KCNQ3: variants seen among roughly 807,000 people sequenced by gnomAD.
KCNQ3 encodes potassium voltage-gated channel subfamily Q member 3.
In KCNQ3, 30 loss-of-function variants were observed where a neutral mutation model predicts 92.5. That is an observed-to-expected ratio of 0.32 (90% CI 0.24 to 0.44). KCNQ3 has a LOEUF of 0.44. Ranked by LOEUF, KCNQ3 falls within the 20% of genes least tolerant of loss-of-function variation. The pLI is 1.00. For synonymous variants in KCNQ3, 450 were observed against 468.8 expected (o/e 0.96, Z 0.52); for missense variants, 913 against 1,140.3 (o/e 0.80, Z 2.87).
intron 1 of KCNQ3, among the ~76,000 whole-genome samples, chr8:132,440,056 A>G (rs1260143954): frequency 6.6e-6 from 1 of 152,178 alleles, no homozygotes; most frequent in Admixed American, 6.5e-5. Context: ...TCATCTCTAG[A>G]TTACTGTAAT....
chr8:132,199,314 C>T (rs571251154), intron 1 of KCNQ3, among the ~76,000 whole-genome samples: 15 of 152,184 alleles, frequency 9.9e-5, no homozygotes, highest in Non-Finnish European at 2.1e-4. Context: ...AGAGCATATC[C>T]CCCAATTAAT....
chr8:132,392,933 G>C (rs553197269), intron 1 of KCNQ3, among the ~76,000 whole-genome samples: 2 of 144,980 alleles, frequency 1.4e-5, no homozygotes, highest in Non-Finnish European at 3.0e-5. Context: ...TTTTTTTCTG[G>C]TAGTTCTTTA....
intron 1 of KCNQ3, among the ~76,000 whole-genome samples, chr8:132,457,109 A>T (rs992686275): frequency 6.6e-6 from 1 of 152,228 alleles, no homozygotes; most frequent in Admixed American, 6.5e-5. Context: ...TGGTCCTCAA[A>T]CAAGGGTGCC....
chr8:132,286,923 T>G (rs1299475798), intron 1 of KCNQ3, among the ~76,000 whole-genome samples: 1 of 152,156 alleles, frequency 6.6e-6, no homozygotes, highest in Non-Finnish European at 1.5e-5. Flanking sequence ...CACTTTACAT[T>G]AGCTTGCTCA....
At chr8:132,324,734 T>C (rs921347520) in intron 1 of KCNQ3, among the ~76,000 whole-genome samples, 9 of 152,144 alleles carry the variant, frequency 5.9e-5, no homozygotes, top group African/African-American at 2.2e-4. Flanking sequence ...ATCAGCCCCA[T>C]TTTTATAGGC....
At chr8:132,372,177 A>C (rs1443212291) in intron 1 of KCNQ3, among the ~76,000 whole-genome samples, 1 of 152,072 alleles carries the variant, frequency 6.6e-6, no homozygotes, top group East Asian at 1.9e-4. Context: ...TGGGCTTCTA[A>C]CATCATGATT....
At chr8:132,477,882 C>T (rs1201890910) in intron 1 of KCNQ3, among the ~76,000 whole-genome samples, 1 of 152,204 alleles carries the variant, frequency 6.6e-6, no homozygotes, top group Admixed American at 6.5e-5. Context: ...AGCATCAGAA[C>T]TGGAATCTTG....
chr8:132,166,726 G>T (rs779809844), intron 8 of KCNQ3, among the ~76,000 whole-genome samples: 1 of 152,046 alleles, frequency 6.6e-6, no homozygotes, highest in Non-Finnish European at 1.5e-5. Flanking sequence ...ATCACTGCTA[G>T]CCCCCAAAAC....
In KCNQ3 at chr8:132,127,129, T is replaced by C. The variant is rs1824696619; in HGVS notation, c.*2133A>G. On this transcript the variant is annotated 3_prime_UTR_variant, in exon 15 of 15. Transcript: ENST00000388996. ...CTTAGGTTGTAATCCCCACTGGCACTTTCAGCCATATTGAAGGAGTGGGGA... is the reference window on the plus strand; with the variant it reads ...CTTAGGTTGTAATCCCCACTGGCACCTTCAGCCATATTGAAGGAGTGGGGA... 1 of 152,216 alleles carries C rather than the reference T, an allele frequency of 6.6e-6. No homozygotes were observed. The highest frequency in any genetic ancestry group is 6.5e-5 in the Admixed American group (1 of 15,282). The allele number at this position is 152,216 out of a possible 1,614,324, so 9.4% of individuals were successfully genotyped here.
intron 1 of KCNQ3, among the ~76,000 whole-genome samples, chr8:132,420,851 G>A (rs77599027): frequency 1.7e-4 from 26 of 152,108 alleles, no homozygotes; most frequent in Non-Finnish European, 2.9e-4. Context: ...GAGGGCCCCT[G>A]GGTTTCTCTC....
chr8:132,187,729 A>G (rs1344497195), intron 1 of KCNQ3, among the ~76,000 whole-genome samples: 15 of 122,166 alleles, frequency 1.2e-4, no homozygotes, highest in East Asian at 2.4e-4. Flanking sequence ...GATGGTGGTG[A>G]TAGTGATGAT....
At chr8:132,183,113 G>A (rs902410768) in intron 3 of KCNQ3, among the ~76,000 whole-genome samples, 6 of 152,266 alleles carry the variant, frequency 3.9e-5, no homozygotes, top group African/African-American at 7.2e-5. Flanking sequence ...GTCCATCCCC[G>A]AAGGACTGTG....
chr8:132,241,539 A>G (rs1368447422), intron 1 of KCNQ3, among the ~76,000 whole-genome samples: 1 of 152,048 alleles, frequency 6.6e-6, no homozygotes, highest in Non-Finnish European at 1.5e-5. Context: ...CGTCCTTAGA[A>G]AAACACTCAT....
chr8:132,187,031 G>T (rs1372751894), intron 1 of KCNQ3, among the ~76,000 whole-genome samples: 5 of 147,966 alleles, frequency 3.4e-5, no homozygotes, highest in East Asian at 2.1e-4. Flanking sequence ...CAAGGAAAAT[G>T]GTTCTCCCTC....
intron 1 of KCNQ3, among the ~76,000 whole-genome samples, chr8:132,388,902 A>G (rs1319876134): frequency 6.6e-6 from 1 of 152,220 alleles, no homozygotes; most frequent in Non-Finnish European, 1.5e-5. Flanking sequence ...TATGATTTGG[A>G]GTATAGTGGG....
chr8:132,261,586 T>A (rs989240503), intron 1 of KCNQ3, among the ~76,000 whole-genome samples: 1 of 152,114 alleles, frequency 6.6e-6, no homozygotes, highest in South Asian at 2.1e-4. Context: ...GGTGGCAGAA[T>A]GTGTGGGTGG....
chr8:132,204,997 ATG>A (rs1813611287), intron 1 of KCNQ3, among the ~76,000 whole-genome samples: 2 of 152,174 alleles, frequency 1.3e-5, no homozygotes. Flanking sequence ...CCCTTCTCTA[ATG>A]TCCATCCAGG....
intron 1 of KCNQ3, among the ~76,000 whole-genome samples, chr8:132,297,856 C>A (rs371000421): frequency 6.6e-6 from 1 of 152,250 alleles, no homozygotes; most frequent in East Asian, 1.9e-4. Context: ...TTAGTCAAAG[C>A]AAGTCACAGT....
intron 1 of KCNQ3, among the ~76,000 whole-genome samples, chr8:132,234,812 T>C (rs1814758563): frequency 6.6e-6 from 1 of 152,148 alleles, no homozygotes; most frequent in Non-Finnish European, 1.5e-5. Flanking sequence ...CTTGGATAAC[T>C]GGGAGTTTCT....
Sources: gnomAD v4.1 joint callset for allele counts (sites outside exome capture counted in the v4.1 genomes callset) on GRCh38, gnomAD v4.1.1 for gene constraint, MANE v1.5 for transcripts, NCBI Gene and HGNC (gene_info 2026-07-23, HGNC 2026-07-21) for gene names.